Variants in CTNNA3 observed in about 807,000 individuals in gnomAD.
CTNNA3 encodes the protein catenin alpha-3.
In CTNNA3, 76 loss-of-function variants were observed where a neutral mutation model predicts 95.7. The observed-to-expected ratio is 0.79, with a 90% confidence interval of 0.66 to 0.96. The LOEUF is 0.96. Among genes scored for constraint, CTNNA3 ranks in the 40% least tolerant of loss-of-function variants. The pLI is 0.00. For synonymous variants in CTNNA3, 431 were observed against 374.4 expected (o/e 1.15, Z -1.74); for missense variants, 1,191 against 1,089.8 (o/e 1.09, Z -1.31).
intron 10 of CTNNA3, among the ~76,000 whole-genome samples, chr10:66,549,683 A>G (rs1842154854): frequency 6.6e-6 from 1 of 152,154 alleles, no homozygotes; most frequent in Non-Finnish European, 1.5e-5. Flanking sequence ...TATATTTTCC[A>G]TGTCATTCAG....
intron 11 of CTNNA3, among the ~76,000 whole-genome samples, chr10:66,429,509 T>C (rs139379549): frequency 0.016 from 2,458 of 152,140 alleles, 56 homozygotes; most frequent in African/African-American, 0.056. Flanking sequence ...CTCAATAAAA[T>C]ACTGGCAAAC....
At chr10:66,273,550 G>A (rs78690379) in intron 13 of CTNNA3, among the ~76,000 whole-genome samples, 3,039 of 152,200 alleles carry the variant, frequency 0.02, 107 homozygotes, top group African/African-American at 0.069. Context: ...GAATACAGCT[G>A]ATGAATTTCA....
chr10:66,476,545 C>T (rs1158507252), intron 11 of CTNNA3, among the ~76,000 whole-genome samples: 2 of 151,972 alleles, frequency 1.3e-5, no homozygotes, highest in African/African-American at 4.8e-5. Flanking sequence ...TTGATTAAAA[C>T]TTGTTTCCAT....
chr10:67,368,672 T>C (rs888375785), intron 5 of CTNNA3, among the ~76,000 whole-genome samples: 1 of 152,214 alleles, frequency 6.6e-6, no homozygotes, highest in African/African-American at 2.4e-5. Context: ...TGGAATACTA[T>C]TTCACAATAT....
At chr10:66,130,864 C>CAAAAA (rs1209953818) in intron 13 of CTNNA3, among the ~76,000 whole-genome samples, 1 of 83,302 alleles carries the variant, frequency 1.2e-5, no homozygotes, top group African/African-American at 3.9e-5. Context: ...CAAAAACAAA[C>CAAAAA]AAAAAAAAAA....
chr10:66,114,245 G>A (rs1191074890), intron 13 of CTNNA3, among the ~76,000 whole-genome samples: 1 of 151,742 alleles, frequency 6.6e-6, no homozygotes, highest in Non-Finnish European at 1.5e-5. Context: ...CTTAAAATTT[G>A]TTCATTTTTC....
chr10:66,155,799 G>C (rs2084469363), intron 13 of CTNNA3, among the ~76,000 whole-genome samples: 1 of 151,778 alleles, frequency 6.6e-6, no homozygotes, highest in Admixed American at 6.6e-5. Flanking sequence ...CAAATAAAAA[G>C]TTGATACATT....
intron 7 of CTNNA3, among the ~76,000 whole-genome samples, chr10:66,888,897 T>A (rs1452500224): frequency 2.6e-5 from 4 of 152,180 alleles, no homozygotes; most frequent in African/African-American, 9.7e-5. Context: ...AAAACTTATG[T>A]CTACACTAAA....
At chr10:67,502,127 G>A (rs1241900864) in intron 5 of CTNNA3, among the ~76,000 whole-genome samples, 1 of 152,118 alleles carries the variant, frequency 6.6e-6, no homozygotes, top group African/African-American at 2.4e-5. Context: ...GGTCTTTGAT[G>A]CTGGTGACCT....
At chr10:67,593,671 G>T (rs1351594988) in intron 3 of CTNNA3, among the ~76,000 whole-genome samples, 1 of 152,134 alleles carries the variant, frequency 6.6e-6, no homozygotes, top group Non-Finnish European at 1.5e-5. Flanking sequence ...AGACGATGAG[G>T]TTTTCTAAGT....
intron 9 of CTNNA3, among the ~76,000 whole-genome samples, chr10:66,731,789 G>T (rs1000721078): frequency 6.6e-6 from 1 of 152,090 alleles, no homozygotes; most frequent in South Asian, 2.1e-4. Context: ...ACCAACAATG[G>T]TTTATTGAGG....
intron 1 of CTNNA3, among the ~76,000 whole-genome samples, chr10:67,665,170 A>G (rs1368584327): frequency 2.0e-5 from 3 of 152,194 alleles, no homozygotes; most frequent in African/African-American, 7.2e-5. Flanking sequence ...TTTTAGTGCT[A>G]TTTTTAAAAC....
At chr10:67,479,310 CT>C (rs1848132712) in intron 5 of CTNNA3, among the ~76,000 whole-genome samples, 1 of 152,042 alleles carries the variant, frequency 6.6e-6, no homozygotes, top group Non-Finnish European at 1.5e-5. Context: ...TTCTTTTCAC[CT>C]GTACATGGAA....
At chr10:65,924,608 TTC>T (rs1209415783) in intron 17 of CTNNA3, among the ~76,000 whole-genome samples, 3 of 152,014 alleles carry the variant, frequency 2.0e-5, no homozygotes, top group African/African-American at 2.4e-5. Flanking sequence ...CTTAGCTCAC[TTC>T]TCTCTCTACT....
At chr10:66,684,458 C>T (rs945483918) in intron 9 of CTNNA3, among the ~76,000 whole-genome samples, 6 of 152,106 alleles carry the variant, frequency 3.9e-5, no homozygotes, top group East Asian at 1.9e-4. Context: ...ATTGCTTAAG[C>T]TTCTTTTCTA....
intron 9 of CTNNA3, among the ~76,000 whole-genome samples, chr10:66,717,067 C>T (rs1396492087): frequency 1.3e-5 from 2 of 151,630 alleles, no homozygotes; most frequent in Non-Finnish European, 2.9e-5. Context: ...ACTGAGGTAT[C>T]CCCCATAAGA....
chr10:66,902,638 G>C (rs577236581), intron 7 of CTNNA3, among the ~76,000 whole-genome samples: 1 of 151,970 alleles, frequency 6.6e-6, no homozygotes, highest in Non-Finnish European at 1.5e-5. Flanking sequence ...CCACTAGCAA[G>C]ACAAATAAAG....
chr10:65,941,190 C>A (rs922312028), intron 17 of CTNNA3, among the ~76,000 whole-genome samples: 1 of 152,124 alleles, frequency 6.6e-6, no homozygotes, highest in African/African-American at 2.4e-5. Context: ...TACTGTAGGT[C>A]TTACTATTAT....
chr10:67,046,479 C>T (rs920737443), intron 7 of CTNNA3, among the ~76,000 whole-genome samples: 15 of 152,240 alleles, frequency 9.9e-5, no homozygotes, highest in South Asian at 8.3e-4. Context: ...GACATTGCCA[C>T]GATATCTTCC....
Sources: gnomAD v4.1 joint callset for allele counts (sites outside exome capture counted in the v4.1 genomes callset) on GRCh38, gnomAD v4.1.1 for gene constraint, MANE v1.5 for transcripts, NCBI Gene and HGNC (gene_info 2026-07-23, HGNC 2026-07-21) for gene names.